CNTN4: variants seen among roughly 807,000 people sequenced by gnomAD.
CNTN4 encodes contactin 4.
In CNTN4, 77 loss-of-function variants were observed where a neutral mutation model predicts 122.5. The observed-to-expected ratio is 0.63, with a 90% CI of 0.52 to 0.76. The LOEUF is 0.76. Among genes scored for constraint, CNTN4 ranks in the 30% least tolerant of loss-of-function variants. The probability of loss-of-function intolerance (pLI) is 0.00; values close to 1 mark genes in which losing one functional copy is unlikely to be tolerated. For missense variants in CNTN4, 1,256 were observed against 1,259.1 expected (o/e 1.00, Z 0.04); for synonymous variants, 512 against 447.0 (o/e 1.15, Z -1.83).
At chr3:2,257,231 G>A (rs887211339) in intron 2 of CNTN4, among the ~76,000 whole-genome samples, 3 of 152,200 alleles carry the variant, frequency 2.0e-5, no homozygotes, top group Non-Finnish European at 4.4e-5. Context: ...AAACTGGCTA[G>A]CCATAGGCAG....
intron 3 of CNTN4, among the ~76,000 whole-genome samples, chr3:2,342,496 G>T (rs1003377343): frequency 6.6e-6 from 1 of 152,146 alleles, no homozygotes; most frequent in African/African-American, 2.4e-5. Context: ...GTTTGGCTGT[G>T]TCCCCACCCA....
At chr3:2,614,389 T>C (rs1425121900) in intron 4 of CNTN4, among the ~76,000 whole-genome samples, 1 of 152,132 alleles carries the variant, frequency 6.6e-6, no homozygotes, top group Non-Finnish European at 1.5e-5. Context: ...TAATGGCAAG[T>C]CATTGGAAAG....
intron 2 of CNTN4, among the ~76,000 whole-genome samples, chr3:2,168,295 A>G (rs1365831572): frequency 6.6e-6 from 1 of 152,250 alleles, no homozygotes; most frequent in Admixed American, 6.5e-5. Flanking sequence ...GAGCAATAAA[A>G]TTATAAATTA....
chr3:2,148,302 G>C (rs2035339188), intron 2 of CNTN4, among the ~76,000 whole-genome samples: 1 of 152,078 alleles, frequency 6.6e-6, no homozygotes, highest in Non-Finnish European at 1.5e-5. Context: ...GGGAGGCCTA[G>C]GTGAGAGGGT....
chr3:2,380,895 T>A (rs1480030597), intron 3 of CNTN4, among the ~76,000 whole-genome samples: 1 of 152,218 alleles, frequency 6.6e-6, no homozygotes, highest in African/African-American at 2.4e-5. Flanking sequence ...TCAATTTGAA[T>A]CATATGTGTT....
intron 3 of CNTN4, among the ~76,000 whole-genome samples, chr3:2,403,287 CA>C (rs1197131520): frequency 3.3e-5 from 5 of 151,824 alleles, no homozygotes; most frequent in Non-Finnish European, 7.4e-5. Flanking sequence ...ACCCTATTTC[CA>C]AAAAAGGTCA....
At chr3:2,774,642 A>T (rs550218118) in intron 6 of CNTN4, among the ~76,000 whole-genome samples, 3 of 152,252 alleles carry the variant, frequency 2.0e-5, no homozygotes, top group African/African-American at 7.2e-5. Context: ...TGCATACTAG[A>T]CCTAGCAGGA....
chr3:2,828,201 A>C (rs1342627646), intron 7 of CNTN4, among the ~76,000 whole-genome samples: 2 of 152,146 alleles, frequency 1.3e-5, no homozygotes, highest in African/African-American at 4.8e-5. Flanking sequence ...AAACACACAT[A>C]ACAAATGATA....
intron 6 of CNTN4, among the ~76,000 whole-genome samples, chr3:2,746,602 C>T (rs1310406622): frequency 6.6e-6 from 1 of 152,158 alleles, no homozygotes; most frequent in Non-Finnish European, 1.5e-5. Context: ...TTGGCATTAG[C>T]CAAAGGTTTC....
chr3:2,766,770 T>C (rs2090880492), intron 6 of CNTN4, among the ~76,000 whole-genome samples: 1 of 152,092 alleles, frequency 6.6e-6, no homozygotes, highest in Admixed American at 6.5e-5. Flanking sequence ...ATTCAGGAGA[T>C]GCAATAGTAG....
intron 4 of CNTN4, among the ~76,000 whole-genome samples, chr3:2,665,326 C>G (rs1201708058): frequency 6.6e-6 from 1 of 152,144 alleles, no homozygotes. Context: ...ATGAGCTTTA[C>G]TAGTTTAGGA....
chr3:2,310,542 A>G (rs897777663), intron 2 of CNTN4, among the ~76,000 whole-genome samples: 2 of 152,108 alleles, frequency 1.3e-5, no homozygotes, highest in Admixed American at 6.6e-5. Context: ...ACCTCAGCAC[A>G]TGCTACCTCA....
chr3:2,128,485 C>T (rs181513560), intron 2 of CNTN4, among the ~76,000 whole-genome samples: 2 of 152,216 alleles, frequency 1.3e-5, no homozygotes, highest in Admixed American at 1.3e-4. Flanking sequence ...TAGTCAATGT[C>T]AGAGGCAGGG....
intron 4 of CNTN4, among the ~76,000 whole-genome samples, chr3:2,719,381 G>T (rs9837389): frequency 6.7e-6 from 1 of 150,054 alleles, no homozygotes; most frequent in Admixed American, 6.7e-5. Flanking sequence ...CTGCAACCTC[G>T]CCTCCTGGGT....
Position 2,925,750 on chromosome 3 carries a change from A to G in CNTN4, c.1329A>G (p.Lys443=), listed in dbSNP as rs754126537. ...ASPKPVYTWK[K]GRDILKENER... is the part of the protein sequence containing the mutation. Reference sequence around the variant, plus strand: ...CAAAACCTGTTTACACCTGGAAGAAAGGAAGGGATATATTAAAAGAAAATG... The same window carrying G: ...CAAAACCTGTTTACACCTGGAAGAAGGGAAGGGATATATTAAAAGAAAATG... Residue 443 remains lysine, a synonymous_variant, in exon 13 of 25, where the codon AAA becomes AAG. Coordinates refer to ENST00000418658, the MANE Select transcript of CNTN4 (RefSeq NM_175607.3). 1.9e-6 allele frequency: 3 copies of G among 1,613,848 alleles called. No homozygotes were observed. Among genetic ancestry groups the G allele is most frequent in the Non-Finnish European group, 2.5e-6 (3 of 1,179,744 alleles).
rs1281438139 is a variant in CNTN4 at position 2,916,960 on chromosome 3, G to A, written c.1208-8669G>A. ...GGAGGCCAAGGCAGGCGGCTGGGAG[G>A]TGGAGGTTGCAGCGAGCCGAGATCA... On this transcript the variant is annotated intron_variant, in intron 12 of 24. Transcript: ENST00000418658. Among the ~76,000 whole-genome samples the A allele has an allele frequency of 7.8e-5, 11 of 140,840 alleles. 1 individual carries two copies. The highest frequency in any genetic ancestry group is 1.8e-4 in the African/African-American group (7 of 37,840). 92.4% of individuals were successfully genotyped at this position (140,840 alleles called of 152,430 possible).
rs78724997 is a variant in CNTN4 at position 2,424,229 on chromosome 3, C to T, written c.-89+84996C>T. ...ATCCCTCCCCCCTCCCTCCACCCTA[C>T]AGCAGGCCCTGGTGTGTGATGTTCC... On this transcript the variant is annotated intron_variant, in intron 3 of 24. Coordinates refer to ENST00000418658, the MANE Select transcript of CNTN4 (RefSeq NM_175607.3). 1.8e-3 allele frequency among the ~76,000 whole-genome samples: 224 copies of T among 125,426 alleles called. 2 individuals carry two copies. Among genetic ancestry groups the T allele is most frequent in the African/African-American group, 6.2e-3 (214 of 34,242 alleles). The allele number at this position is 125,426 out of a possible 152,430, so 82.3% of individuals were successfully genotyped here.
chr3:2,599,999 G>T (rs2080952486), intron 4 of CNTN4, among the ~76,000 whole-genome samples: 2 of 91,746 alleles, frequency 2.2e-5, no homozygotes, highest in African/African-American at 7.6e-5. Context: ...TTTGGTTTAT[G>T]GAATTCTTCT....
At chr3:2,129,845 C>T (rs2034367643) in intron 2 of CNTN4, among the ~76,000 whole-genome samples, 1 of 151,798 alleles carries the variant, frequency 6.6e-6, no homozygotes, top group African/African-American at 2.4e-5. Context: ...ACAGATAGAT[C>T]CTTTCAAACA....
Sources: allele counts gnomAD v4.1 joint callset (sites outside exome capture counted in the v4.1 genomes callset), GRCh38; gene constraint gnomAD v4.1.1; transcripts MANE v1.5; gene names NCBI Gene and HGNC (gene_info 2026-07-23, HGNC 2026-07-21).